KCNIP1: variants seen among roughly 807,000 people sequenced by gnomAD.
KCNIP1 encodes the protein A-type potassium channel modulatory protein KCNIP1.
KCNIP1 carries 18 observed loss-of-function variants against 33.0 expected under a neutral mutation model. That is an observed-to-expected ratio of 0.55 (90% confidence interval 0.38 to 0.81). KCNIP1 has a LOEUF of 0.81. Ranked by LOEUF, KCNIP1 falls within the 30% of genes least tolerant of loss-of-function variation. The pLI, the probability that KCNIP1 is intolerant of heterozygous loss-of-function variation, is 0.00. For missense variants in KCNIP1, 238 were observed against 271.6 expected, an observed-to-expected ratio of 0.88 and a Z score of 0.87; for synonymous variants, 93 against 98.3, an observed-to-expected ratio of 0.95 and a Z score of 0.32.
At chr5:170,531,766 C>T (rs1488826758) in intron 1 of KCNIP1, among the ~76,000 whole-genome samples, 1 of 152,180 alleles carries the variant, frequency 6.6e-6, no homozygotes. Flanking sequence ...GGAGCCACTG[C>T]AGGAGTCCCA....
intron 1 of KCNIP1, among the ~76,000 whole-genome samples, chr5:170,623,272 G>A (rs999052827): frequency 1.3e-5 from 2 of 151,350 alleles, no homozygotes; most frequent in South Asian, 2.1e-4. Flanking sequence ...GGAGTGCAAT[G>A]GCACGATCTC....
intron 1 of KCNIP1, among the ~76,000 whole-genome samples, chr5:170,586,498 A>G (rs1418460135): frequency 6.6e-6 from 1 of 151,488 alleles, no homozygotes; most frequent in Non-Finnish European, 1.5e-5. Context: ...AGTTATACAG[A>G]TGTGCTGAAA....
At chr5:170,536,306 C>T (rs542802253) in intron 1 of KCNIP1, among the ~76,000 whole-genome samples, 1 of 152,314 alleles carries the variant, frequency 6.6e-6, no homozygotes, top group African/African-American at 2.4e-5. Flanking sequence ...TTACTACTGC[C>T]TGTGCAGCCT....
intron 1 of KCNIP1, among the ~76,000 whole-genome samples, chr5:170,540,318 A>C (rs956842661): frequency 6.6e-6 from 1 of 151,924 alleles, no homozygotes; most frequent in African/African-American, 2.4e-5. Flanking sequence ...GCCACTCCTC[A>C]CTCCACCCTG....
intron 1 of KCNIP1, among the ~76,000 whole-genome samples, chr5:170,386,879 C>G (rs915406698): frequency 2.0e-5 from 3 of 151,904 alleles, no homozygotes; most frequent in Non-Finnish European, 2.9e-5. Flanking sequence ...TTGTTTTTCC[C>G]CTGGACATTG....
At chr5:170,477,297 G>GTA (rs201011160) in intron 1 of KCNIP1, among the ~76,000 whole-genome samples, 30 of 150,088 alleles carry the variant, frequency 2.0e-4, no homozygotes, top group South Asian at 4.2e-4. Flanking sequence ...GGATGTGTGT[G>GTA]TATATATATA....
At chr5:170,690,937 T>C (rs974022088) in intron 1 of KCNIP1, among the ~76,000 whole-genome samples, 2 of 152,248 alleles carry the variant, frequency 1.3e-5, no homozygotes, top group Non-Finnish European at 2.9e-5. Context: ...GCCTTTATAG[T>C]AGTGGATGAT....
chr5:170,412,201 G>T (rs975764322), intron 1 of KCNIP1, among the ~76,000 whole-genome samples: 4 of 150,980 alleles, frequency 2.6e-5, no homozygotes, highest in East Asian at 1.9e-4. Context: ...TTGACTTGTG[G>T]CCCCACCAGT....
intron 1 of KCNIP1, chr5:170,379,037 T>C: frequency 1.9e-6 from 3 of 1,558,922 alleles, no homozygotes; most frequent in South Asian, 1.2e-5. Flanking sequence ...AAGGGCTTGA[T>C]ATGGAGTAAA....
chr5:170,512,923 G>A (rs1213845528), intron 1 of KCNIP1, among the ~76,000 whole-genome samples: 3 of 152,128 alleles, frequency 2.0e-5, no homozygotes, highest in Non-Finnish European at 4.4e-5. Flanking sequence ...GGTGGCGGGC[G>A]CGTGTAGTCC....
At chr5:170,453,325 T>C (rs1756299015) in intron 1 of KCNIP1, among the ~76,000 whole-genome samples, 1 of 152,226 alleles carries the variant, frequency 6.6e-6, no homozygotes, top group Admixed American at 6.5e-5. Flanking sequence ...TAATGGTCTT[T>C]GTCACATCTT....
chr5:170,488,258 A>G (rs919144518), intron 1 of KCNIP1, among the ~76,000 whole-genome samples: 1 of 152,188 alleles, frequency 6.6e-6, no homozygotes, highest in African/African-American at 2.4e-5. Context: ...TCAGGGTTTC[A>G]TCAGATCTTC....
rs552261454 is a variant in KCNIP1 at position 170,721,918 on chromosome 5, G to A, written c.327+15G>A. On this transcript the variant is annotated intron_variant, in intron 4 of 7. Coordinates refer to ENST00000328939, the MANE Select transcript of KCNIP1 (RefSeq NM_014592.4). ...TGAAGTTCGAGGTACGCTCATCTGG[G>A]GTCCACTCTAGGGGTCCTCTGGTTC... 1 of 1,613,990 alleles carries A rather than the reference G, an allele frequency of 6.2e-7. No homozygotes were observed. The highest frequency in any genetic ancestry group is 8.5e-7 in the Non-Finnish European group (1 of 1,179,970).
At chr5:170,517,421 G>A (rs2113290585) in intron 1 of KCNIP1, among the ~76,000 whole-genome samples, 1 of 152,298 alleles carries the variant, frequency 6.6e-6, no homozygotes, top group South Asian at 2.1e-4. Flanking sequence ...CATATCAAGG[G>A]ATAATATTGT....
intron 1 of KCNIP1, 98 bp from the exon 2 acceptor site, chr5:170,718,660 C>A (rs1763711562): frequency 7.0e-7 from 1 of 1,437,188 alleles, no homozygotes; most frequent in Non-Finnish European, 9.6e-7. Flanking sequence ...AGTCCTAGAT[C>A]CCAGGTCGTG....
intron 1 of KCNIP1, among the ~76,000 whole-genome samples, chr5:170,540,810 G>A (rs936457691): frequency 1.3e-5 from 2 of 152,122 alleles, no homozygotes; most frequent in African/African-American, 2.4e-5. Context: ...GATAGTGTGC[G>A]GCCGGTAGAA....
chr5:170,358,035 C>T (rs962328771), intron 1 of KCNIP1, among the ~76,000 whole-genome samples: 6 of 152,214 alleles, frequency 3.9e-5, no homozygotes, highest in Admixed American at 3.9e-4. Flanking sequence ...CTGCGTCTTC[C>T]TCTTTCTGCA....
At chr5:170,365,400 G>A (rs1047367911) in intron 1 of KCNIP1, among the ~76,000 whole-genome samples, 2 of 152,316 alleles carry the variant, frequency 1.3e-5, no homozygotes, top group African/African-American at 4.8e-5. Context: ...GGACATGAGG[G>A]GTTAATTAAG....
At chr5:170,653,074 T>A (rs1158143769) in intron 1 of KCNIP1, among the ~76,000 whole-genome samples, 2 of 152,198 alleles carry the variant, frequency 1.3e-5, no homozygotes, top group Non-Finnish European at 2.9e-5. Context: ...GGTCTAGGCC[T>A]GCATCCACTC....
Sources: allele counts gnomAD v4.1 joint callset (sites outside exome capture counted in the v4.1 genomes callset), GRCh38; gene constraint gnomAD v4.1.1; transcripts MANE v1.5; gene names NCBI Gene and HGNC (gene_info 2026-07-23, HGNC 2026-07-21).